Variants in DMD observed in about 807,000 individuals in gnomAD.
The protein encoded by DMD is mutant dystrophin.
DMD carries 63 observed loss-of-function variants against 330.1 expected under a neutral mutation model. The ratio of observed to expected loss-of-function variants is 0.19; its 90% CI spans 0.16 to 0.24. DMD has a LOEUF of 0.24. Ranked by LOEUF, DMD falls within the 10% of genes least tolerant of loss-of-function variation. The pLI is 1.00. For synonymous variants in DMD, 1,223 were observed against 959.8 expected (o/e 1.27, Z -5.07); for missense variants, 3,344 against 2,684.1 (o/e 1.25, Z -5.43).
intron 51 of DMD, among the ~76,000 whole-genome samples, chrX:31,752,742 G>C (rs763418197): frequency 4.6e-4 from 51 of 110,844 alleles, no homozygotes; most frequent in Non-Finnish European, 9.3e-4. Flanking sequence ...TTGCCTTCTG[G>C]GATGCAGAAA....
chrX:31,672,418 GT>G (rs1323680111), intron 53 of DMD, among the ~76,000 whole-genome samples: 1 of 112,065 alleles, frequency 8.9e-6, no homozygotes, highest in Non-Finnish European at 1.9e-5. Context: ...GGTCTTGTAA[GT>G]TTATAGTCTT....
At chrX:32,158,131 A>T (rs926451806) in intron 44 of DMD, among the ~76,000 whole-genome samples, 7 of 111,904 alleles carry the variant, frequency 6.3e-5, no homozygotes, top group Non-Finnish European at 1.3e-4. Flanking sequence ...ACCTTGTACA[A>T]GTCATTTAAA....
At chrX:32,832,219 T>C (rs987460967) in intron 4 of DMD, among the ~76,000 whole-genome samples, 1 of 111,509 alleles carries the variant, frequency 9.0e-6, no homozygotes, top group African/African-American at 3.3e-5. Context: ...TAACTAGATA[T>C]GAAATGGTAC....
At chrX:32,960,420 A>G (rs1045094198) in intron 2 of DMD, 4 of 112,147 alleles carry the variant, frequency 3.6e-5, no homozygotes, top group Non-Finnish European at 7.5e-5. Flanking sequence ...GCCCCACTTA[A>G]GGTGCATTTC....
chrX:31,677,642 C>A (rs1203082940), intron 53 of DMD, among the ~76,000 whole-genome samples: 1 of 111,978 alleles, frequency 8.9e-6, no homozygotes, highest in African/African-American at 3.2e-5. Flanking sequence ...TATGCTCATC[C>A]ATTGAAAAAA....
intron 44 of DMD, among the ~76,000 whole-genome samples, chrX:32,142,063 G>T (rs978690694): frequency 2.7e-5 from 3 of 111,182 alleles, no homozygotes; most frequent in African/African-American, 9.8e-5. Context: ...ACAAAAACAA[G>T]GCAGGAAACA....
chrX:32,882,068 A>G (rs1249373633), intron 2 of DMD, among the ~76,000 whole-genome samples: 1 of 111,971 alleles, frequency 8.9e-6, no homozygotes, highest in Non-Finnish European at 1.9e-5. Flanking sequence ...TTTGTTTTTC[A>G]AAAGCTTAGA....
At chrX:31,705,264 T>C (rs1040541946) in intron 52 of DMD, among the ~76,000 whole-genome samples, 3 of 112,904 alleles carry the variant, frequency 2.7e-5, no homozygotes, top group African/African-American at 6.4e-5. Flanking sequence ...GATGGAAAGA[T>C]AAGAAAAGAT....
chrX:33,054,254 A>G (rs73621873), intron 1 of DMD, among the ~76,000 whole-genome samples: 1,204 of 112,143 alleles, frequency 0.011, 17 homozygotes, highest in African/African-American at 0.038. Flanking sequence ...GGGGTTTATT[A>G]CGAATGTTTC....
rs1456319886 is a variant in DMD, at chrX:31,295,749, T to G, written c.9224+27849A>C. On this transcript the variant is annotated intron_variant, in intron 62 of 78. Transcript: ENST00000357033. Reference sequence around the variant, plus strand: ...ACTTTGTATTGGTGATATATGGAATTGATTTCAACATTTTTTGCCATTCTA... The same window carrying G: ...ACTTTGTATTGGTGATATATGGAATGGATTTCAACATTTTTTGCCATTCTA... Among the ~76,000 whole-genome samples, 34 of 112,307 alleles carry G rather than the reference T, an allele frequency of 3.0e-4. 2 individuals carry two copies. The highest frequency in any genetic ancestry group is 9.4e-5 in the Non-Finnish European group (5 of 53,335).
chrX:31,192,514 G>A (rs1225228133), intron 67 of DMD, among the ~76,000 whole-genome samples: 2 of 111,893 alleles, frequency 1.8e-5, no homozygotes, highest in African/African-American at 3.3e-5. Context: ...ATATCTTATA[G>A]CTCTGATACA....
intron 77 of DMD, among the ~76,000 whole-genome samples, chrX:31,126,988 T>C (rs1601973199): frequency 9.0e-6 from 1 of 111,156 alleles, no homozygotes; most frequent in African/African-American, 3.3e-5. Flanking sequence ...TCTGACAAAT[T>C]GGGCATTGTT....
chrX:32,016,929 C>T (rs1293890), intron 44 of DMD, among the ~76,000 whole-genome samples: 27,843 of 111,731 alleles, frequency 0.25, 3,169 homozygotes, highest in African/African-American at 0.44. Flanking sequence ...GCTGTAAATA[C>T]TAACGTCGAG....
At chrX:32,128,112 T>C (rs2096670674) in intron 44 of DMD, among the ~76,000 whole-genome samples, 1 of 112,481 alleles carries the variant, frequency 8.9e-6, no homozygotes, top group South Asian at 3.6e-4. Flanking sequence ...ATAGGTATAC[T>C]TTTTACATGC....
intron 13 of DMD, among the ~76,000 whole-genome samples, chrX:32,590,520 C>T (rs1014382466): frequency 2.7e-5 from 3 of 111,429 alleles, no homozygotes; most frequent in African/African-American, 9.8e-5. Flanking sequence ...TGTGGGTGGG[C>T]ACCACCCAAT....
intron 34 of DMD, among the ~76,000 whole-genome samples, chrX:32,367,265 G>A (rs773859258): frequency 1.8e-5 from 2 of 111,256 alleles, no homozygotes; most frequent in South Asian, 7.7e-4. Flanking sequence ...AGGCTCTGTG[G>A]GATAAAACGG....
At chrX:32,854,977 C>T (rs1165286048) in intron 2 of DMD, among the ~76,000 whole-genome samples, 2 of 111,688 alleles carry the variant, frequency 1.8e-5, no homozygotes, top group Non-Finnish European at 3.8e-5. Context: ...AAAGGTCATT[C>T]GTTATAACCA....
chrX:32,554,868 G>GGTA (rs2050035858), intron 16 of DMD, among the ~76,000 whole-genome samples: 4 of 57,181 alleles, frequency 7.0e-5, no homozygotes, highest in Non-Finnish European at 1.1e-4. Context: ...GAGAGAGAGA[G>GGTA]AGAAGGAAAG....
intron 63 of DMD, among the ~76,000 whole-genome samples, chrX:31,228,266 AT>A (rs1470852918): frequency 9.1e-5 from 6 of 65,711 alleles, no homozygotes; most frequent in African/African-American, 5.5e-4. Flanking sequence ...TAAAAAAAAA[AT>A]AAAAAAATAA....
Sources: gnomAD v4.1 joint callset for allele counts (sites outside exome capture counted in the v4.1 genomes callset) on GRCh38, gnomAD v4.1.1 for gene constraint, MANE v1.5 for transcripts, NCBI Gene and HGNC (gene_info 2026-07-23, HGNC 2026-07-21) for gene names.